LUZP2: variants seen among roughly 807,000 people sequenced by gnomAD.
LUZP2 encodes leucine zipper protein 2.
In LUZP2, 52 loss-of-function variants were observed where a neutral mutation model predicts 51.6. That is an observed-to-expected ratio of 1.01 (90% CI 0.81 to 1.27). The LOEUF is 1.27. Among genes scored for constraint, LUZP2 ranks in the 50% most tolerant of loss-of-function variants. The pLI, the probability that LUZP2 is intolerant of heterozygous loss-of-function variation, is 0.00. For synonymous variants in LUZP2, 154 were observed against 137.3 expected (o/e 1.12, Z -0.85); for missense variants, 436 against 395.4 (o/e 1.10, Z -0.87).
intron 4 of LUZP2, among the ~76,000 whole-genome samples, chr11:24,746,146 G>A (rs1309340577): frequency 2.0e-5 from 3 of 152,056 alleles, no homozygotes; most frequent in African/African-American, 7.2e-5. Flanking sequence ...TGTTTTATAG[G>A]TCCTGTGTGA....
intron 9 of LUZP2, among the ~76,000 whole-genome samples, chr11:24,984,679 G>A (rs962607730): frequency 3.3e-5 from 5 of 150,522 alleles, no homozygotes; most frequent in Non-Finnish European, 7.4e-5. Flanking sequence ...TTTTATTATG[G>A]TGCATACCTG....
chr11:24,618,386 G>A (rs550642126), intron 1 of LUZP2, among the ~76,000 whole-genome samples: 2 of 152,192 alleles, frequency 1.3e-5, no homozygotes, highest in East Asian at 3.9e-4. Flanking sequence ...CCAGTCTAGG[G>A]TGCCTCATGA....
chr11:24,931,917 T>G (rs1184508458), intron 7 of LUZP2, among the ~76,000 whole-genome samples: 2 of 152,172 alleles, frequency 1.3e-5, no homozygotes, highest in African/African-American at 4.8e-5. Context: ...GGTTCAGGGG[T>G]TACTGTTCAG....
intron 1 of LUZP2, among the ~76,000 whole-genome samples, chr11:24,501,388 C>T (rs1341109856): frequency 6.6e-6 from 1 of 152,166 alleles, no homozygotes; most frequent in African/African-American, 2.4e-5. Flanking sequence ...CTTAACCAAA[C>T]TCCATGTAAT....
intron 5 of LUZP2, among the ~76,000 whole-genome samples, chr11:24,817,973 C>T (rs938758616): frequency 1.3e-5 from 2 of 151,968 alleles, no homozygotes; most frequent in Non-Finnish European, 2.9e-5. Flanking sequence ...GTTACATATG[C>T]TTATGAATTA....
chr11:24,920,648 T>C (rs1201295228), intron 7 of LUZP2, among the ~76,000 whole-genome samples: 1 of 151,712 alleles, frequency 6.6e-6, no homozygotes, highest in Non-Finnish European at 1.5e-5. Flanking sequence ...CAGGTGAAAC[T>C]GGAGGCCATT....
At chr11:24,815,582 A>G (rs1850156468) in intron 5 of LUZP2, among the ~76,000 whole-genome samples, 1 of 152,148 alleles carries the variant, frequency 6.6e-6, no homozygotes, top group South Asian at 2.1e-4. Context: ...TCTAGAAGAT[A>G]CTTGCTTTTT....
At chr11:24,820,742 G>A (rs61875871) in intron 5 of LUZP2, among the ~76,000 whole-genome samples, 19,112 of 152,044 alleles carry the variant, frequency 0.13, 1,339 homozygotes, top group South Asian at 0.19. Context: ...TGGGTGTTAC[G>A]GTGTTATGTC....
intron 5 of LUZP2, among the ~76,000 whole-genome samples, chr11:24,780,561 C>G (rs1849060976): frequency 6.6e-6 from 1 of 152,104 alleles, no homozygotes. Context: ...TATATAACAA[C>G]AACATGCCAA....
At chr11:24,696,408 T>G (rs1857248370) in intron 1 of LUZP2, among the ~76,000 whole-genome samples, 2 of 152,152 alleles carry the variant, frequency 1.3e-5, no homozygotes, top group African/African-American at 4.8e-5. Flanking sequence ...GTTAATTCAA[T>G]TATCTTTACA....
rs141308575 is a variant in LUZP2 at position 24,633,964 on chromosome 11, G to GTGTGTATATATA, written c.63-95204_63-95203insGTGTATATATAT. Among the ~76,000 whole-genome samples, 1,389 of 149,212 alleles carry GTGTGTATATATA rather than the reference G, an allele frequency of 9.3e-3. 27 individuals are homozygous for GTGTGTATATATA. Among genetic ancestry groups the GTGTGTATATATA allele is most frequent in the East Asian group, 0.054 (276 of 5,094 alleles). The stretch of plus-strand genomic sequence containing the variant: ...CGTGTGTGTGTGTGTGTGTGTGTGT[G>GTGTGTATATATA]TATATATAGTCTGTCTATTAAAGGA... On this transcript the variant is annotated intron_variant, in intron 1 of 11. Transcript: ENST00000336930.
intron 9 of LUZP2, among the ~76,000 whole-genome samples, chr11:24,992,017 T>C (rs1239033395): frequency 5.3e-5 from 8 of 152,110 alleles, no homozygotes; most frequent in Admixed American, 1.3e-4. Flanking sequence ...ACTTTGTGAG[T>C]TGTCTGTATA....
Position 25,082,075 on chromosome 11 carries a change from C to G in LUZP2, c.*3417C>G, listed in dbSNP as rs1378497891. The G allele has an allele frequency of 6.6e-6, 1 of 152,428 alleles. No homozygotes were observed. The highest frequency in any genetic ancestry group is 1.5e-5 in the Non-Finnish European group (1 of 67,994). The allele number at this position is 152,428 out of a possible 1,614,324, so 9.4% of individuals were successfully genotyped here. On this transcript the variant is annotated 3_prime_UTR_variant, in exon 12 of 12. Transcript: ENST00000336930. ...GCTGTGTCTATCCAATGCCAAAATG[C>G]TCAGAAGAAAAGTGAATAATTCAGT...
rs146799614 is a variant in LUZP2, at chr11:24,498,460, G to T, written c.62+1155G>T. Among the ~76,000 whole-genome samples the T allele has an allele frequency of 4.5e-3, 685 of 152,232 alleles. 4 individuals are homozygous for T. Among genetic ancestry groups the T allele is most frequent in the African/African-American group, 0.016 (655 of 41,544 alleles). On this transcript the variant is annotated intron_variant, in intron 1 of 11. Coordinates refer to ENST00000336930, the MANE Select transcript of LUZP2 (RefSeq NM_001009909.4). ...TGTGTAACCAAACTTTCCTTTTAGTGTAGAGACTATTTCATTTACCCTCAA... is the reference window on the plus strand; with the variant it reads ...TGTGTAACCAAACTTTCCTTTTAGTTTAGAGACTATTTCATTTACCCTCAA...
At chr11:24,728,808 G>C (rs1191229640) in intron 1 of LUZP2, among the ~76,000 whole-genome samples, 1 of 151,934 alleles carries the variant, frequency 6.6e-6, no homozygotes, top group Non-Finnish European at 1.5e-5. Context: ...AGGCATACCT[G>C]AGACTGGGTA....
intron 9 of LUZP2, among the ~76,000 whole-genome samples, chr11:24,996,713 C>T (rs1162978796): frequency 1.3e-5 from 2 of 151,596 alleles, no homozygotes; most frequent in African/African-American, 4.9e-5. Flanking sequence ...TGGTGTGCTG[C>T]ACCCATTAAC....
chr11:24,543,549 G>C lies in LUZP2; in HGVS notation c.62+46244G>C, dbSNP rs116273924. Among the ~76,000 whole-genome samples, 352 of 152,116 alleles carry C rather than the reference G, an allele frequency of 2.3e-3. 1 individual carries two copies. The highest frequency in any genetic ancestry group is 8.2e-3 in the African/African-American group (340 of 41,528). On this transcript the variant is annotated intron_variant, in intron 1 of 11. Transcript: ENST00000336930. ...TTGTATTGCTATGAGCGAGGAAATA[G>C]AGACAAATGGAATCAATGCCCAGCA...
chr11:24,851,335 G>A (rs1356610752), intron 5 of LUZP2, among the ~76,000 whole-genome samples: 1 of 151,900 alleles, frequency 6.6e-6, no homozygotes, highest in Non-Finnish European at 1.5e-5. Flanking sequence ...TTTGTTGAAG[G>A]CCCTTTCTGC....
intron 5 of LUZP2, among the ~76,000 whole-genome samples, chr11:24,845,187 C>T (rs1851163321): frequency 6.6e-6 from 1 of 152,216 alleles, no homozygotes; most frequent in Non-Finnish European, 1.5e-5. Context: ...AGGTGTGGAG[C>T]TGCCTAAGAC....
Sources: allele counts gnomAD v4.1 joint callset (sites outside exome capture counted in the v4.1 genomes callset), GRCh38; gene constraint gnomAD v4.1.1; transcripts MANE v1.5; gene names NCBI Gene and HGNC (gene_info 2026-07-23, HGNC 2026-07-21).